The following BEND6 variants were observed in gnomAD, a reference collection of about 807,000 sequenced individuals.
The protein encoded by BEND6 is BEN domain-containing protein 6.
In BEND6, 24 loss-of-function variants were observed where a neutral mutation model predicts 31.8. The observed-to-expected ratio is 0.75, with a 90% CI of 0.55 to 1.06. The LOEUF (loss-of-function observed/expected upper bound fraction) is 1.06, where lower values mean the gene tolerates loss of function less well. BEND6 is among the 50% of genes least tolerant of loss of function. The pLI is 0.00. For missense variants in BEND6, 294 were observed against 327.4 expected (o/e 0.90, Z 0.79); for synonymous variants, 109 against 114.6 (o/e 0.95, Z 0.31).
At position 57,017,339 on chromosome 6, in the gene BEND6, A is replaced by T. The variant is rs758429647; in HGVS notation, c.652A>T (p.Thr218Ser). The change falls in exon 5 of 7, where the codon ACT (threonine) becomes TCT (serine). Residue 218 changes from threonine (T) to serine (S), a missense_variant. Physicochemically the swap from Thr to Ser is moderately conservative, Grantham distance 58 (BLOSUM62 1). Coordinates refer to ENST00000370746, the MANE Select transcript of BEND6 (RefSeq NM_152731.3). ...THSLTGAKSSTSRDKAVKPAM... is the reference protein window; with the variant it reads ...THSLTGAKSSSSRDKAVKPAM... ...CAGCCTGACAGGGGCAAAATCCTCT[A>T]CTTCAAGGGACAAAGCTGTAAAACC... 1 of 1,439,202 alleles carries T rather than the reference A, an allele frequency of 6.9e-7. No individual in the cohort carries two copies. The highest frequency in any genetic ancestry group is 9.2e-7 in the Non-Finnish European group (1 of 1,091,544). 89.2% of individuals were successfully genotyped at this position (1,439,202 alleles called of 1,614,324 possible).
intron 6 of BEND6, among the ~76,000 whole-genome samples, chr6:57,019,383 C>T (rs1827667346): frequency 6.6e-6 from 1 of 152,184 alleles, no homozygotes; most frequent in South Asian, 2.1e-4. Flanking sequence ...TTAATAGAGG[C>T]ATGTGGGTAA....
Position 57,005,066 on chromosome 6 carries a change from G to A in BEND6, c.299-10067G>A, listed in dbSNP as rs1031802424. Among the ~76,000 whole-genome samples the A allele has an allele frequency of 4.6e-5, 7 of 152,286 alleles. No homozygotes were observed. In the South Asian group the frequency reaches 8.3e-4, roughly 18 times the overall value. ...AACAGGTAAGTGAATTGGAAGTGGA[G>A]GCCTGTAGGATAGGTAATCAGGGGT... On this transcript the variant is annotated intron_variant, in intron 3 of 6. Transcript: ENST00000370746.
intron 1 of BEND6, among the ~76,000 whole-genome samples, chr6:56,973,601 C>T (rs1316027806): frequency 6.6e-6 from 1 of 152,082 alleles, no homozygotes; most frequent in Non-Finnish European, 1.5e-5. Context: ...TCTTACTGTA[C>T]TAAGTATGGT....
rs1341766455 is a variant in BEND6, at chr6:56,971,057, C to A, written c.-100-10654C>A. ...TACCTTAGTATTATTGTGCAACCAT[C>A]ACTACCATCCATCTCCAGGATACTT... On this transcript the variant is annotated intron_variant, in intron 1 of 6. Transcript: ENST00000370746. Among the ~76,000 whole-genome samples the A allele has an allele frequency of 2.0e-5, 3 of 152,152 alleles. No individual in the cohort carries two copies. In the East Asian group the frequency reaches 5.8e-4, roughly 29 times the overall value.
At chr6:57,022,185 A>G (rs1362502126) in intron 6 of BEND6, among the ~76,000 whole-genome samples, 1 of 136,280 alleles carries the variant, frequency 7.3e-6, no homozygotes, top group Admixed American at 7.5e-5. Flanking sequence ...TTTTTTTTGA[A>G]GAATTAGAGC....
chr6:56,977,001 T>C (rs534406707), intron 1 of BEND6, among the ~76,000 whole-genome samples: 3 of 152,338 alleles, frequency 2.0e-5, no homozygotes, highest in Admixed American at 1.3e-4. Context: ...AAATTTAAAA[T>C]GGACTATCTC....
At chr6:56,994,524 G>A (rs576348152) in intron 3 of BEND6, among the ~76,000 whole-genome samples, 1 of 140,864 alleles carries the variant, frequency 7.1e-6, no homozygotes, top group Non-Finnish European at 1.5e-5. Context: ...TGTGAAGCCC[G>A]ACTTTGCTGT....
intron 3 of BEND6, among the ~76,000 whole-genome samples, chr6:56,998,164 G>A (rs1023032273): frequency 2.6e-5 from 4 of 152,178 alleles, no homozygotes; most frequent in Admixed American, 2.6e-4. Context: ...TTGTAAAGCT[G>A]CAGTTGGGAA....
At position 56,999,131 on chromosome 6, in the gene BEND6, A is replaced by T. The variant is rs58002392; in HGVS notation, c.298+6576A>T. ...GAGTTGCTCCCCACCCTTCTTGGGC[A>T]TAAATCTTGGTGCAGTGGGACTCTC... On this transcript the variant is annotated intron_variant, in intron 3 of 6. Coordinates refer to ENST00000370746, the MANE Select transcript of BEND6 (RefSeq NM_152731.3). Among the ~76,000 whole-genome samples the T allele has an allele frequency of 6.4e-3, 970 of 152,246 alleles. 10 individuals carry two copies. The highest frequency in any genetic ancestry group is 0.022 in the African/African-American group (927 of 41,548).
intron 1 of BEND6, among the ~76,000 whole-genome samples, chr6:56,970,840 T>A (rs1026246053): frequency 1.3e-5 from 2 of 152,190 alleles, no homozygotes; most frequent in Non-Finnish European, 1.5e-5. Flanking sequence ...GTGAAGAAAC[T>A]TGAGGATTTG....
chr6:57,026,952 T>C lies in BEND6; in HGVS notation c.*880T>C, dbSNP rs971112930. ...AGATAGTTGGTCGATTACATTGCTA[T>C]ACTGCTTAGTTTTAACTGGTTTATT... On this transcript the variant is annotated 3_prime_UTR_variant, in exon 7 of 7. Coordinates refer to ENST00000370746, the MANE Select transcript of BEND6 (RefSeq NM_152731.3). The C allele has an allele frequency of 6.6e-6, 1 of 152,260 alleles. No homozygotes were observed. Among genetic ancestry groups the C allele is most frequent in the African/African-American group, 2.4e-5 (1 of 41,472 alleles). 9.4% of individuals were successfully genotyped at this position (152,260 alleles called of 1,614,324 possible).
chr6:56,970,785 T>C (rs1825664599), intron 1 of BEND6, among the ~76,000 whole-genome samples: 1 of 152,206 alleles, frequency 6.6e-6, no homozygotes, highest in East Asian at 1.9e-4. Context: ...CTAAATAAGG[T>C]CTGATATGTC....
intron 3 of BEND6, among the ~76,000 whole-genome samples, chr6:57,007,292 T>TAA (rs36090187): frequency 7.1e-6 from 1 of 140,166 alleles, no homozygotes; most frequent in African/African-American, 2.6e-5. Flanking sequence ...TGTCTCAAAT[T>TAA]AAAAAAAAAA....
intron 1 of BEND6, among the ~76,000 whole-genome samples, chr6:56,964,691 A>G (rs1261578017): frequency 6.6e-6 from 1 of 152,114 alleles, no homozygotes; most frequent in Non-Finnish European, 1.5e-5. Flanking sequence ...TTAGTAGACG[A>G]AGTCTCATTA....
intron 1 of BEND6, among the ~76,000 whole-genome samples, chr6:56,980,548 T>A (rs1366833688): frequency 6.6e-6 from 1 of 152,198 alleles, no homozygotes; most frequent in Non-Finnish European, 1.5e-5. Context: ...AGCTGTCTGG[T>A]ATTTGTGAGT....
At chr6:56,960,663 A>G (rs985773133) in intron 1 of BEND6, among the ~76,000 whole-genome samples, 3 of 152,218 alleles carry the variant, frequency 2.0e-5, no homozygotes, top group African/African-American at 7.2e-5. Flanking sequence ...CAATGCACTC[A>G]TAGCCTGAAA....
chr6:56,976,771 G>A (rs1047509494), intron 1 of BEND6, among the ~76,000 whole-genome samples: 5 of 151,674 alleles, frequency 3.3e-5, no homozygotes, highest in Non-Finnish European at 4.4e-5. Flanking sequence ...CACCATGTTG[G>A]CCAAGCTGGC....
intron 6 of BEND6, among the ~76,000 whole-genome samples, chr6:57,021,731 T>C (rs1827749478): frequency 6.6e-6 from 1 of 152,154 alleles, no homozygotes; most frequent in Non-Finnish European, 1.5e-5. Context: ...CAAACTGCCT[T>C]CTCCTGAAAT....
intron 2 of BEND6, among the ~76,000 whole-genome samples, chr6:56,988,091 A>G (rs189195532): frequency 6.8e-6 from 1 of 147,644 alleles, no homozygotes; most frequent in East Asian, 2.0e-4. Context: ...ATCTCGGCTC[A>G]TTACAACCTC....
Sources: gnomAD v4.1 joint callset for allele counts (sites outside exome capture counted in the v4.1 genomes callset) on GRCh38, gnomAD v4.1.1 for gene constraint, MANE v1.5 for transcripts, NCBI Gene and HGNC (gene_info 2026-07-23, HGNC 2026-07-21) for gene names.